NPHP4: variants seen among roughly 807,000 people sequenced by gnomAD.
The protein encoded by NPHP4 is nephrocystin 4.
NPHP4 carries 151 observed loss-of-function variants against 155.8 expected under a neutral mutation model. That is an observed-to-expected ratio of 0.97 (90% CI 0.85 to 1.11). NPHP4 has a LOEUF of 1.11. NPHP4 is among the 50% of genes least tolerant of loss of function. NPHP4 has a pLI of 0.00. For synonymous variants in NPHP4, 845 were observed against 816.8 expected (o/e 1.03, Z -0.59); for missense variants, 1,956 against 1,925.7 (o/e 1.02, Z -0.29).
intron 11 of NPHP4, among the ~76,000 whole-genome samples, chr1:5,925,204 G>A (rs542931386): frequency 2.0e-5 from 3 of 152,266 alleles, no homozygotes; most frequent in South Asian, 4.1e-4. Context: ...AAAAATGGAT[G>A]GTTGTATCTG....
At chr1:5,906,478 C>T (rs1182143391) in intron 13 of NPHP4, among the ~76,000 whole-genome samples, 2 of 152,262 alleles carry the variant, frequency 1.3e-5, no homozygotes, top group African/African-American at 4.8e-5. Flanking sequence ...GCAAGCTCTT[C>T]ACAAACACAT....
At position 5,867,350 on chromosome 1, in the gene NPHP4, G is replaced by T; in HGVS notation, c.3473-235C>A. 1 of 559,484 alleles carries T rather than the reference G, an allele frequency of 1.8e-6. No individual in the cohort carries two copies. Among genetic ancestry groups the T allele is most frequent in the Non-Finnish European group, 3.2e-6 (1 of 315,908 alleles). 34.7% of individuals were successfully genotyped at this position (559,484 alleles called of 1,614,324 possible). On this transcript the variant is annotated intron_variant, in intron 24 of 29. Transcript: ENST00000378156. This position sits in a 1 kb window ranked among gnomAD's most constrained non-coding sequence, Gnocchi z 4.1. ...GCTCGGCTGCAGCCATCTCCACAGG[G>T]AATAATCGAGGGGGCCACAAAAAAG...
At chr1:5,969,683 C>A (rs544917593) in intron 3 of NPHP4, among the ~76,000 whole-genome samples, 1 of 152,322 alleles carries the variant, frequency 6.6e-6, no homozygotes, top group African/African-American at 2.4e-5. Context: ...CGTAACACAT[C>A]CACCACTAAA....
chr1:5,955,768 G>C (rs919348272), intron 6 of NPHP4, among the ~76,000 whole-genome samples: 1 of 152,184 alleles, frequency 6.6e-6, no homozygotes, highest in Non-Finnish European at 1.5e-5. Flanking sequence ...GGTTGTCAAG[G>C]GGTCATGGTA....
chr1:5,976,668 A>C (rs1353514059), intron 3 of NPHP4, among the ~76,000 whole-genome samples: 1 of 152,194 alleles, frequency 6.6e-6, no homozygotes. Flanking sequence ...TTAATGTCAG[A>C]CACATCCTTA....
intron 19 of NPHP4, chr1:5,879,589 G>C (rs1378454745): frequency 3.9e-6 from 2 of 519,064 alleles, no homozygotes; most frequent in Admixed American, 3.9e-5. Context: ...CCACTGGCAG[G>C]GTTCCCACTT....
intron 19 of NPHP4, among the ~76,000 whole-genome samples, chr1:5,879,791 A>ACG (rs1643030468): frequency 7.9e-6 from 1 of 126,696 alleles, no homozygotes; most frequent in Non-Finnish European, 1.6e-5. Flanking sequence ...ACACACACAC[A>ACG]CACGCAAACA....
At chr1:5,873,929 A>T (rs1570128344) in intron 22 of NPHP4, 1 of 212,084 alleles carries the variant, frequency 4.7e-6, no homozygotes, top group Non-Finnish European at 9.4e-6. Context: ...CGCGTGCCTC[A>T]CACACACCCT....
chr1:5,901,768 C>T (rs1644694521), intron 16 of NPHP4, among the ~76,000 whole-genome samples: 1 of 152,174 alleles, frequency 6.6e-6, no homozygotes, highest in Admixed American at 6.5e-5. Flanking sequence ...GGGAATGAGT[C>T]TTCAGCAGTG....
At chr1:5,922,139 T>C (rs1407368313) in intron 11 of NPHP4, among the ~76,000 whole-genome samples, 1 of 152,146 alleles carries the variant, frequency 6.6e-6, no homozygotes, top group Admixed American at 6.5e-5. Context: ...ATGGCTGCCT[T>C]TGAAGATGGA....
intron 13 of NPHP4, among the ~76,000 whole-genome samples, 195 bp downstream of exon 13, chr1:5,906,920 T>C (rs186249707): frequency 1.3e-5 from 2 of 152,212 alleles, no homozygotes; most frequent in Non-Finnish European, 2.9e-5. Context: ...ACATTCTTCT[T>C]TGGTCTCCAA....
At chr1:5,871,978 T>C (rs1338233379) in intron 23 of NPHP4, among the ~76,000 whole-genome samples, 1 of 152,052 alleles carries the variant, frequency 6.6e-6, no homozygotes, top group South Asian at 2.1e-4. Context: ...TCCAAATTCA[T>C]GTGAAGAGAT....
rs1282063330 is a variant in NPHP4, at chr1:5,905,999, T to TA, written c.1612-217dup. Among the ~76,000 whole-genome samples the TA allele has an allele frequency of 1.3e-5, 2 of 152,236 alleles. No individual in the cohort carries two copies. The highest frequency in any genetic ancestry group is 4.8e-5 in the African/African-American group (2 of 41,464). ...TACGATATTTGGGATATACTTACAC[T>TA]AAAAAATTATTTGTTGTGTACCTGA... On this transcript the variant is annotated intron_variant, in intron 13 of 29. Transcript: ENST00000378156. This position sits in a 1 kb window ranked among gnomAD's most constrained non-coding sequence, Gnocchi z 4.0.
rs1395375534 is a variant in NPHP4, at chr1:5,887,244, G to C, written c.2485+42C>G. 3 of 1,562,130 alleles carry C rather than the reference G, an allele frequency of 1.9e-6. No individual in the cohort carries two copies. The African/African-American group carries it at 4.1e-5, about 21-fold the overall frequency. Reference sequence around the variant, plus strand: ...GAGCCCACACTCTACCAGAGGGGTTGGGCGGCCGCTGGAGAAATGGCACAA... The same window carrying C: ...GAGCCCACACTCTACCAGAGGGGTTCGGCGGCCGCTGGAGAAATGGCACAA... On this transcript the variant is annotated intron_variant, in intron 18 of 29. Coordinates refer to ENST00000378156, the MANE Select transcript of NPHP4 (RefSeq NM_015102.5).
chr1:5,946,755 G>A (rs567220149), intron 9 of NPHP4, among the ~76,000 whole-genome samples: 41 of 152,334 alleles, frequency 2.7e-4, no homozygotes, highest in Middle Eastern at 3.4e-3. Flanking sequence ...ATCATCAATG[G>A]CCAATGTTTA....
rs530723109 is a variant in NPHP4, at chr1:5,864,446, A to C, written c.3888T>G (p.Leu1296=). 8.3e-5 allele frequency: 134 copies of C among 1,607,022 alleles called. 2 individuals are homozygous for C. In the South Asian group the frequency reaches 1.5e-3, roughly 18 times the overall value. The part of the protein sequence containing the change: ...VQDLHVGVRP[L]RAGSRFVHLN... ...GATGGACAAAGCGGCTGCCGGCCCT[A>C]AGGGGCCTCACGCCAACATGCAGGT... Residue 1296 remains leucine, a synonymous_variant, in exon 28 of 30, where the codon CTT becomes CTG. Transcript: ENST00000378156.
chr1:5,887,575 G>T (rs775241587), intron 17 of NPHP4, 109 bp from the exon 18 acceptor site: 2 of 1,201,648 alleles, frequency 1.7e-6, no homozygotes, highest in African/African-American at 1.5e-5. Flanking sequence ...CACTGTGGGC[G>T]GGAGGGGGTG....
chr1:5,927,143 G>C (rs2101661887), intron 11 of NPHP4, among the ~76,000 whole-genome samples: 1 of 152,366 alleles, frequency 6.6e-6, no homozygotes, highest in African/African-American at 2.4e-5. Flanking sequence ...ATGTGGACTT[G>C]CTGCCACCCA....
chr1:5,906,370 G>C (rs866641097), intron 13 of NPHP4, among the ~76,000 whole-genome samples: 3 of 152,232 alleles, frequency 2.0e-5, no homozygotes, highest in Admixed American at 2.0e-4. Flanking sequence ...AGTTGGGAAT[G>C]TGCTCTCTCA....
Sources: gnomAD v4.1 joint callset for allele counts (sites outside exome capture counted in the v4.1 genomes callset) on GRCh38, gnomAD v4.1.1 for gene constraint, Gnocchi (gnomAD v3.1) non-coding constraint, MANE v1.5 for transcripts, NCBI Gene and HGNC (gene_info 2026-07-23, HGNC 2026-07-21) for gene names.